CENPP: variants seen among roughly 807,000 people sequenced by gnomAD.
CENPP encodes centromere protein P.
A neutral mutation model predicts 35.6 loss-of-function variants in CENPP; 24 were observed. That is an observed-to-expected ratio of 0.67 (90% CI 0.49 to 0.95). CENPP has a LOEUF of 0.95. CENPP is among the 40% of genes least tolerant of loss of function. The pLI is 0.00. For missense variants in CENPP, 332 were observed against 345.3 expected (o/e 0.96, Z 0.31); for synonymous variants, 120 against 125.5 (o/e 0.96, Z 0.29).
chr9:92,385,992 T>G (rs1408502515), intron 5 of CENPP, among the ~76,000 whole-genome samples: 1 of 152,232 alleles, frequency 6.6e-6, no homozygotes, highest in Admixed American at 6.5e-5. Context: ...TGTGCTGGTC[T>G]ACTTGTTATG....
At chr9:92,520,892 A>G (rs925979326) in intron 5 of CENPP, among the ~76,000 whole-genome samples, 1 of 152,260 alleles carries the variant, frequency 6.6e-6, no homozygotes, top group Non-Finnish European at 1.5e-5. Flanking sequence ...CATTTACATG[A>G]AATTTCCAGA....
At chr9:92,357,461 C>CATTATTATT (rs36222751) in intron 4 of CENPP, among the ~76,000 whole-genome samples, 12 of 143,472 alleles carry the variant, frequency 8.4e-5, no homozygotes, top group Middle Eastern at 3.6e-3. Context: ...TCATCTCCCT[C>CATTATTATT]ATTATTATTA....
intron 5 of CENPP, among the ~76,000 whole-genome samples, chr9:92,520,686 C>A (rs1338590326): frequency 6.6e-6 from 1 of 152,016 alleles, no homozygotes; most frequent in Non-Finnish European, 1.5e-5. Context: ...TCATGATAGC[C>A]AAAAGGTGGA....
intron 5 of CENPP, among the ~76,000 whole-genome samples, chr9:92,453,967 G>T (rs1329369552): frequency 1.4e-5 from 2 of 142,884 alleles, no homozygotes. Flanking sequence ...GGAAAAAAAA[G>T]AAAAAAAAAA....
At position 92,352,515 on chromosome 9, in the gene CENPP, A is replaced by G. The variant is rs1185463287; in HGVS notation, c.467+6728A>G. On this transcript the variant is annotated intron_variant, in intron 4 of 7. Transcript: ENST00000375587. ...TGTGTGTGTGTGTGTGTATACATAT[A>G]TATATATATATATATATATATATAA... Among the ~76,000 whole-genome samples the G allele has an allele frequency of 8.1e-4, 76 of 93,748 alleles. 3 individuals are homozygous for G. Among genetic ancestry groups the G allele is most frequent in the African/African-American group, 3.4e-3 (58 of 17,142 alleles). The allele number at this position is 93,748 out of a possible 152,430, so 61.5% of individuals were successfully genotyped here. A position where few individuals can be genotyped will look rare whatever the true frequency, so the allele number is the denominator to read the frequency against.
intron 5 of CENPP, chr9:92,514,573 C>A: frequency 6.6e-7 from 1 of 1,519,472 alleles, no homozygotes; most frequent in Non-Finnish European, 8.8e-7. Context: ...CCGTGCCCAG[C>A]TGCTAAGAGT....
In CENPP at chr9:92,619,516, A is replaced by G; in HGVS notation, c.*6367A>G. The G allele has an allele frequency of 1.9e-6, 3 of 1,593,494 alleles. No individual in the cohort carries two copies. Among genetic ancestry groups the G allele is most frequent in the South Asian group, 1.1e-5 (1 of 86,984 alleles). On this transcript the variant is annotated 3_prime_UTR_variant, in exon 8 of 8. Coordinates refer to ENST00000375587, the MANE Select transcript of CENPP (RefSeq NM_001012267.3). ...ATCCTGCAGACAGGGAGACAGTGCA[A>G]TCATGATGGAGCAGTCCTTGGCAGT...
intron 5 of CENPP, among the ~76,000 whole-genome samples, chr9:92,558,956 T>C (rs1849786559): frequency 6.6e-6 from 1 of 151,970 alleles, no homozygotes; most frequent in Non-Finnish European, 1.5e-5. Context: ...CCACGCAAAC[T>C]GCAAACTGAA....
At chr9:92,478,561 C>T (rs1845795128) in intron 5 of CENPP, among the ~76,000 whole-genome samples, 1 of 152,136 alleles carries the variant, frequency 6.6e-6, no homozygotes, top group African/African-American at 2.4e-5. Flanking sequence ...TCAAGTGATC[C>T]TCCCACCTCA....
At chr9:92,510,442 A>G (rs1370167958) in intron 5 of CENPP, among the ~76,000 whole-genome samples, 1 of 152,258 alleles carries the variant, frequency 6.6e-6, no homozygotes, top group East Asian at 1.9e-4. Context: ...ATAGCAATCA[A>G]TCCTTTAAAC....
At chr9:92,548,089 T>C (rs1029938548) in intron 5 of CENPP, among the ~76,000 whole-genome samples, 2 of 152,212 alleles carry the variant, frequency 1.3e-5, no homozygotes, top group Admixed American at 6.5e-5. Flanking sequence ...GACACACAAT[T>C]AATATATAAA....
chr9:92,382,214 AT>A (rs1413118724), intron 5 of CENPP, among the ~76,000 whole-genome samples: 1 of 151,900 alleles, frequency 6.6e-6, no homozygotes, highest in African/African-American at 2.4e-5. Context: ...GAAATTTTTA[AT>A]TTTTAAAATT....
rs541834551 is a variant in CENPP, at chr9:92,525,796, A to G, written c.565-85518A>G. The stretch of plus-strand genomic sequence containing the variant: ...TCCCAGCAACTCGGGAGGCTGAGAC[A>G]GAAGAATCGCTTAAACCCGGGAGGC... On this transcript the variant is annotated intron_variant, in intron 5 of 7. Coordinates refer to ENST00000375587, the MANE Select transcript of CENPP (RefSeq NM_001012267.3). Among the ~76,000 whole-genome samples, 4 of 151,704 alleles carry G rather than the reference A, an allele frequency of 2.6e-5. No homozygotes were observed. The South Asian group carries it at 8.3e-4, about 32-fold the overall frequency.
chr9:92,471,964 G>T (rs1845536742), intron 5 of CENPP, among the ~76,000 whole-genome samples: 1 of 152,156 alleles, frequency 6.6e-6, no homozygotes, highest in African/African-American at 2.4e-5. Context: ...CTGAAGTGTA[G>T]TCATACATTT....
chr9:92,557,491 G>A (rs1849752523), intron 5 of CENPP, among the ~76,000 whole-genome samples: 1 of 152,098 alleles, frequency 6.6e-6, no homozygotes, highest in African/African-American at 2.4e-5. Flanking sequence ...CATAATCCCA[G>A]ACTTCTTGGA....
chr9:92,429,215 A>C (rs965664483), intron 5 of CENPP, among the ~76,000 whole-genome samples: 1 of 152,076 alleles, frequency 6.6e-6, no homozygotes, highest in Non-Finnish European at 1.5e-5. Context: ...TATTTTCCTG[A>C]CTGTTGGAGG....
chr9:92,523,133 T>G (rs1014642619), intron 5 of CENPP, among the ~76,000 whole-genome samples: 6 of 151,780 alleles, frequency 4.0e-5, no homozygotes, highest in African/African-American at 1.5e-4. Flanking sequence ...CAGGCTGGAG[T>G]GCAGTGGTTC....
chr9:92,446,090 A>T (rs188153714), intron 5 of CENPP, among the ~76,000 whole-genome samples: 15 of 152,276 alleles, frequency 9.9e-5, no homozygotes, highest in Admixed American at 2.0e-4. Context: ...AAGAAAAAAA[A>T]ACTCTCCATC....
At chr9:92,578,249 G>A (rs1474436628) in intron 5 of CENPP, among the ~76,000 whole-genome samples, 6 of 151,940 alleles carry the variant, frequency 3.9e-5, no homozygotes, top group South Asian at 2.1e-4. Flanking sequence ...GAATAATGCC[G>A]CAGTAAACAT....
Sources: gnomAD v4.1 joint callset for allele counts (sites outside exome capture counted in the v4.1 genomes callset) on GRCh38, gnomAD v4.1.1 for gene constraint, MANE v1.5 for transcripts, NCBI Gene and HGNC (gene_info 2026-07-23, HGNC 2026-07-21) for gene names.